BATF2: variants seen among roughly 807,000 people sequenced by gnomAD.
BATF2 encodes the protein basic leucine zipper transcriptional factor ATF-like 2.
A neutral mutation model predicts 7.3 loss-of-function variants in BATF2; 4 were observed. The observed-to-expected ratio is 0.55, with a 90% CI of 0.27 to 1.26. The LOEUF is 1.26. BATF2 is among the 50% of genes most tolerant of loss of function. The pLI is 0.11. For missense variants in BATF2, 295 were observed against 340.5 expected, an observed-to-expected ratio of 0.87 and a Z score of 1.05; for synonymous variants, 152 against 153.9, an observed-to-expected ratio of 0.99 and a Z score of 0.09.
intron 2 of BATF2, among the ~76,000 whole-genome samples, chr11:64,993,329 A>C: frequency 6.6e-6 from 1 of 152,202 alleles, no homozygotes. Flanking sequence ...ACTGCACTCC[A>C]GTCTGGGCAA....
chr11:64,989,249 C>T lies in BATF2; in HGVS notation c.705G>A (p.Leu235=). The part of the protein sequence containing the change: ...NPSSALGLAR[L]QSREHKPALS... The stretch of plus-strand genomic sequence containing the variant: ...GAGCAGGTTTGTGCTCCCTGCTCTG[C>T]AGACGTGCAAGCCCCAGGGCAGAGG... Residue 235 remains leucine (L), a synonymous_variant, in exon 3 of 3, where the codon CTG becomes CTA. Coordinates refer to ENST00000301887, the MANE Select transcript of BATF2 (RefSeq NM_138456.4). The surrounding 1 kb of genome is among the most constrained non-coding windows in gnomAD (Gnocchi z 4.3). 6.2e-7 allele frequency: 1 copy of T among 1,612,678 alleles called. No individual in the cohort carries two copies. Among genetic ancestry groups the T allele is most frequent in the South Asian group, 1.1e-5 (1 of 90,978 alleles).
At chr11:64,991,594 G>A (rs1946078309) in intron 2 of BATF2, among the ~76,000 whole-genome samples, 1 of 152,198 alleles carries the variant, frequency 6.6e-6, no homozygotes, top group Non-Finnish European at 1.5e-5. Context: ...GGCTCAAGGA[G>A]TAACAATTTC....
At chr11:64,994,314 C>T (rs1946095671) in intron 2 of BATF2, 134 bp downstream of exon 2, 4 of 849,936 alleles carry the variant, frequency 4.7e-6, no homozygotes, top group African/African-American at 1.7e-5. Flanking sequence ...GGATCCTTTT[C>T]TCATCCCAAA....
At chr11:64,994,411 G>A in intron 2 of BATF2, 37 bp downstream of exon 2, 1 of 1,542,772 alleles carries the variant, frequency 6.5e-7, no homozygotes, top group African/African-American at 1.4e-5. Context: ...AGTAAGTGGA[G>A]CCAGAGACAA....
intron 2 of BATF2, among the ~76,000 whole-genome samples, chr11:64,991,551 AT>A (rs1213902638): frequency 2.6e-5 from 4 of 152,202 alleles, no homozygotes; most frequent in African/African-American, 2.4e-5. Context: ...TCACTCACTC[AT>A]TCATTTATTC....
chr11:64,995,875 G>A lies in BATF2; in HGVS notation c.39+1001C>T, dbSNP rs546684390. 2.0e-5 allele frequency among the ~76,000 whole-genome samples: 3 copies of A among 152,350 alleles called. No homozygotes were observed. In the East Asian group the frequency reaches 5.8e-4, roughly 29 times the overall value. On this transcript the variant is annotated intron_variant, in intron 1 of 2. Coordinates refer to ENST00000301887, the MANE Select transcript of BATF2 (RefSeq NM_138456.4). The stretch of plus-strand genomic sequence containing the variant: ...ACTAAAGGCTGAGACAGGACCCACG[G>A]TGAGTGAAGGGGGCTCCTGTGAGAT...
intron 2 of BATF2, among the ~76,000 whole-genome samples, chr11:64,992,293 T>C (rs1485310196): frequency 2.0e-5 from 3 of 151,916 alleles, no homozygotes; most frequent in Non-Finnish European, 4.4e-5. Context: ...CTCGAACTCC[T>C]GGCCAACAAG....
At chr11:64,992,965 C>T (rs528614150) in intron 2 of BATF2, among the ~76,000 whole-genome samples, 1 of 151,292 alleles carries the variant, frequency 6.6e-6, no homozygotes, top group South Asian at 2.1e-4. Flanking sequence ...TCAAGACAAG[C>T]CTGGGCAACA....
intron 1 of BATF2, among the ~76,000 whole-genome samples, chr11:64,995,558 TG>T (rs1946104166): frequency 6.6e-6 from 1 of 151,794 alleles, no homozygotes. Context: ...GGTGGAAGAG[TG>T]GACTCAAAGG....
At chr11:64,990,451 C>G (rs1301476101) in intron 2 of BATF2, 6 of 1,287,656 alleles carry the variant, frequency 4.7e-6, no homozygotes, top group Middle Eastern at 3.1e-4. Context: ...TTTTGAGGGC[C>G]CAGAACTCGC....
chr11:64,990,622 C>T, intron 2 of BATF2: 2 of 1,011,028 alleles, frequency 2.0e-6, no homozygotes, highest in Non-Finnish European at 1.2e-6. Context: ...TTCTAAATAA[C>T]CATTTATGAT....
At chr11:64,995,675 AC>A (rs1484714630) in intron 1 of BATF2, among the ~76,000 whole-genome samples, 2 of 152,210 alleles carry the variant, frequency 1.3e-5, no homozygotes, top group Admixed American at 1.3e-4. Flanking sequence ...TGGAGAGCTC[AC>A]AGCCCAGCCC....
chr11:64,994,351 G>C, intron 2 of BATF2, 97 bp downstream of exon 2: 1 of 1,196,098 alleles, frequency 8.4e-7, no homozygotes, highest in Middle Eastern at 1.9e-4. Context: ...AAATACAGGA[G>C]TTTGGGGGAG....
intron 2 of BATF2, among the ~76,000 whole-genome samples, chr11:64,991,453 C>T (rs1946076876): frequency 2.0e-5 from 3 of 152,196 alleles, no homozygotes; most frequent in African/African-American, 7.2e-5. Flanking sequence ...ATGTGCCTGG[C>T]CGGAATGATG....
rs367918495 is a variant in BATF2 at position 64,989,034 on chromosome 11, G to A, written c.*95C>T. On this transcript the variant is annotated 3_prime_UTR_variant, in exon 3 of 3. Transcript: ENST00000301887. This position sits in a 1 kb window ranked among gnomAD's most constrained non-coding sequence, Gnocchi z 4.3. ...AATCCTGGGCCAGCTGGTCAGCCAC[G>A]CAGGGCAGCACCCAGTAGTGAGGGA... The A allele has an allele frequency of 2.8e-5, 39 of 1,414,516 alleles. No individual in the cohort carries two copies. Among genetic ancestry groups the A allele is most frequent in the Non-Finnish European group, 3.6e-5 (36 of 1,006,334 alleles). The allele number at this position is 1,414,516 out of a possible 1,614,324, so 87.6% of individuals were successfully genotyped here.
chr11:64,990,992 AT>A (rs1946071818), intron 2 of BATF2, among the ~76,000 whole-genome samples: 1 of 151,376 alleles, frequency 6.6e-6, no homozygotes, highest in Non-Finnish European at 1.5e-5. Flanking sequence ...GGGTTTCACC[AT>A]GTTAGCCAGG....
Position 64,988,256 on chromosome 11 carries a change from G to T in BATF2, c.*873C>A. ...GTCTGAGGGTGATGAGGGCCTGGGG[G>T]CCACACAGGGGTGGGTGCTGTCAGG... On this transcript the variant is annotated 3_prime_UTR_variant, in exon 3 of 3. Coordinates refer to ENST00000301887, the MANE Select transcript of BATF2 (RefSeq NM_138456.4). 6.6e-6 allele frequency: 1 copy of T among 152,422 alleles called. No individual in the cohort carries two copies. The allele number at this position is 152,422 out of a possible 1,614,324, so 9.4% of individuals were successfully genotyped here.
chr11:64,992,029 G>T lies in BATF2; in HGVS notation c.142-2217C>A, dbSNP rs75834984. Among the ~76,000 whole-genome samples the T allele has an allele frequency of 4.4e-3, 671 of 151,702 alleles. 2 individuals are homozygous for T. Among genetic ancestry groups the T allele is most frequent in the Non-Finnish European group, 6.5e-3 (440 of 67,758 alleles). ...AGCTCAGGCTTCATCGCCTTTTTTT[G>T]TTGTTGTTGTTGTTGTTTTTGAGAC... On this transcript the variant is annotated intron_variant, in intron 2 of 2. Transcript: ENST00000301887.
intron 1 of BATF2, among the ~76,000 whole-genome samples, chr11:64,995,133 T>C (rs1224058666): frequency 3.3e-5 from 5 of 152,192 alleles, no homozygotes; most frequent in Non-Finnish European, 7.3e-5. Context: ...GTGCTGGGAT[T>C]ACAGGTGTGA....
Sources: allele counts gnomAD v4.1 joint callset (sites outside exome capture counted in the v4.1 genomes callset), GRCh38; gene constraint gnomAD v4.1.1; non-coding constraint Gnocchi (gnomAD v3.1); transcripts MANE v1.5; gene names NCBI Gene and HGNC (gene_info 2026-07-23, HGNC 2026-07-21).